Variants in ZNF83 observed in about 807,000 individuals in gnomAD.
ZNF83 encodes the protein zinc finger protein 83.
For synonymous variants in ZNF83, 209 were observed against 213.0 expected (o/e 0.98, Z 0.17); for missense variants, 552 against 629.9 (o/e 0.88, Z 1.32).
At chr19:52,665,549 G>A in intron 1 of ZNF83, among the ~76,000 whole-genome samples, 1 of 152,150 alleles carries the variant, frequency 6.6e-6, no homozygotes, top group Non-Finnish European at 1.5e-5. Flanking sequence ...CAATGTGTCA[G>A]TATGTGCAAT....
intron 1 of ZNF83, among the ~76,000 whole-genome samples, chr19:52,676,180 G>T (rs901643366): frequency 2.6e-5 from 4 of 152,166 alleles, no homozygotes; most frequent in African/African-American, 9.7e-5. Context: ...ACGGGGTTTC[G>T]CTGTGTTGGT....
intron 1 of ZNF83, among the ~76,000 whole-genome samples, chr19:52,664,057 G>A (rs1271202635): frequency 6.6e-6 from 1 of 152,158 alleles, no homozygotes; most frequent in Non-Finnish European, 1.5e-5. Flanking sequence ...GCTAATTTCA[G>A]TATTTCAGTT....
At chr19:52,676,507 G>GGT (rs1367671319) in intron 1 of ZNF83, among the ~76,000 whole-genome samples, 2 of 150,432 alleles carry the variant, frequency 1.3e-5, no homozygotes, top group South Asian at 2.1e-4. Flanking sequence ...GAGGTGGGGG[G>GGT]CAGCCCCCGC....
At chr19:52,634,626 AG>A (rs1345332166) in intron 2 of ZNF83, among the ~76,000 whole-genome samples, 1 of 152,234 alleles carries the variant, frequency 6.6e-6, no homozygotes, top group Non-Finnish European at 1.5e-5. Context: ...GTATAAAATC[AG>A]GGAGAAAAGA....
rs1033018871 is a variant in ZNF83 at position 52,635,144 on chromosome 19, G to C, written c.-312C>G. ...CTTCCTCATGTACCAAGAGTCCTTA[G>C]AAGTCAATCCTGAATGTTAAAAATA... On this transcript the variant is annotated 5_prime_UTR_variant, in exon 2 of 3. Transcript: ENST00000301096. 40 of 657,126 alleles carry C rather than the reference G, an allele frequency of 6.1e-5. 1 individual carries two copies. In the African/African-American group the frequency reaches 6.3e-4, roughly 10 times the overall value. 40.7% of individuals were successfully genotyped at this position (657,126 alleles called of 1,614,324 possible). A position where few individuals can be genotyped will look rare whatever the true frequency, so the allele number is the denominator to read the frequency against.
intron 2 of ZNF83, among the ~76,000 whole-genome samples, chr19:52,634,289 AAT>A (rs1301754911): frequency 6.6e-6 from 1 of 151,974 alleles, no homozygotes; most frequent in Non-Finnish European, 1.5e-5. Flanking sequence ...CAACAATAAT[AAT>A]AATAATAATA....
In ZNF83 at chr19:52,633,411, T is replaced by G. The variant is rs8103096; in HGVS notation, c.-234+1655A>C. On this transcript the variant is annotated intron_variant, in intron 2 of 2. Transcript: ENST00000301096. ...ACGTGCATGAAAAATATAATTTCTT[T>G]TAATTTACTGCCGTTTTTTCCTAAA... is the stretch of plus-strand genomic sequence containing the variant. Among the ~76,000 whole-genome samples, 1,446 of 152,306 alleles carry G rather than the reference T, an allele frequency of 9.5e-3. 23 individuals carry two copies. The highest frequency in any genetic ancestry group is 0.032 in the African/African-American group (1,345 of 41,552).
At chr19:52,625,836 G>A (rs1488075816) in intron 2 of ZNF83, among the ~76,000 whole-genome samples, 1 of 152,082 alleles carries the variant, frequency 6.6e-6, no homozygotes, top group Non-Finnish European at 1.5e-5. Flanking sequence ...CCTCTACACA[G>A]TTACCCCATC....
intron 1 of ZNF83, among the ~76,000 whole-genome samples, chr19:52,668,693 T>A (rs1372646316): frequency 1.3e-5 from 2 of 152,154 alleles, no homozygotes; most frequent in Non-Finnish European, 2.9e-5. Flanking sequence ...AAGATGTAAA[T>A]GCCTGGCTAA....
chr19:52,662,986 A>C (rs1046446414), intron 1 of ZNF83, among the ~76,000 whole-genome samples: 1 of 151,982 alleles, frequency 6.6e-6, no homozygotes, highest in East Asian at 1.9e-4. Context: ...AACACGGTGA[A>C]ATCCCGTCTC....
At chr19:52,624,077 C>G (rs1329789076) in intron 2 of ZNF83, among the ~76,000 whole-genome samples, 1 of 47,430 alleles carries the variant, frequency 2.1e-5, no homozygotes, top group Non-Finnish European at 4.8e-5. Flanking sequence ...CAGCAGCTTA[C>G]CTGGGCTGTA....
At chr19:52,679,911 T>C (rs2061879420) in intron 1 of ZNF83, among the ~76,000 whole-genome samples, 1 of 152,176 alleles carries the variant, frequency 6.6e-6, no homozygotes, top group Non-Finnish European at 1.5e-5. Context: ...CTGGGCACAG[T>C]GGCTCACACC....
chr19:52,680,883 A>G (rs1289593988), intron 1 of ZNF83, among the ~76,000 whole-genome samples: 4 of 151,518 alleles, frequency 2.6e-5, no homozygotes, highest in Non-Finnish European at 5.9e-5. Flanking sequence ...AAGTGCTGGG[A>G]TTACAGGCGT....
chr19:52,659,134 G>A (rs1364966856), intron 2 of ZNF83, among the ~76,000 whole-genome samples: 3 of 152,174 alleles, frequency 2.0e-5, no homozygotes, highest in African/African-American at 7.2e-5. Flanking sequence ...TACCTCAGTT[G>A]ATGTCCTGTG....
At chr19:52,654,022 G>A in intron 3 of ZNF83, 1 of 1,564,062 alleles carries the variant, frequency 6.4e-7, no homozygotes, top group East Asian at 2.2e-5. Flanking sequence ...TTGGGATGTT[G>A]AAACCAAGGA....
upstream of ZNF83, among the ~76,000 whole-genome samples, chr19:52,641,165 C>T (rs1044758153): frequency 6.6e-6 from 1 of 152,020 alleles, no homozygotes; most frequent in Non-Finnish European, 1.5e-5. Context: ...TCTTGCCCCG[C>T]CCCAGTCTTG....
intron 2 of ZNF83, among the ~76,000 whole-genome samples, chr19:52,630,921 T>C (rs1428132209): frequency 6.6e-6 from 1 of 151,616 alleles, no homozygotes; most frequent in African/African-American, 2.4e-5. Context: ...CTGCACCTTA[T>C]CAACCAAATT....
intron 3 of ZNF83, chr19:52,654,031 G>A (rs2061476698): frequency 6.4e-7 from 1 of 1,573,054 alleles, no homozygotes; most frequent in Non-Finnish European, 8.7e-7. Flanking sequence ...TGAAACCAAG[G>A]AAGCATTGTT....
In ZNF83 at chr19:52,644,898, A is replaced by C. The variant is rs556733906; in HGVS notation, c.-73-9745T>G. Among the ~76,000 whole-genome samples, 10 of 151,718 alleles carry C rather than the reference A, an allele frequency of 6.6e-5. No individual in the cohort carries two copies. The East Asian group carries it at 1.9e-3, about 29-fold the overall frequency. Reference sequence around the variant, plus strand: ...GGTGACAGGCACCTGTAGTCCCAGCAACTTGGGAGGCAGAGGCAGGAGAAT... The same window carrying C: ...GGTGACAGGCACCTGTAGTCCCAGCCACTTGGGAGGCAGAGGCAGGAGAAT... On this transcript the variant is annotated intron_variant, in intron 3 of 5. Transcript: ENST00000594682.
Sources: gnomAD v4.1 joint callset for allele counts (sites outside exome capture counted in the v4.1 genomes callset) on GRCh38, gnomAD v4.1.1 for gene constraint, MANE v1.5 for transcripts, NCBI Gene and HGNC (gene_info 2026-07-23, HGNC 2026-07-21) for gene names.